BST1: variants seen among roughly 807,000 people sequenced by gnomAD.
BST1 encodes ADP-ribosyl cyclase/cyclic ADP-ribose hydrolase 2.
A neutral mutation model predicts 40.6 loss-of-function variants in BST1; 49 were observed. The observed-to-expected ratio is 1.21, with a 90% CI of 0.96 to 1.53. The LOEUF is 1.53. Ranked by LOEUF, BST1 falls within the 40% of genes most tolerant of loss-of-function variation. BST1 has a pLI of 0.00. For missense variants in BST1, 423 were observed against 395.9 expected (o/e 1.07, Z -0.58); for synonymous variants, 157 against 159.3 (o/e 0.99, Z 0.11).
At chr4:15,711,702 A>C in intron 3 of BST1, 105 bp from the exon 4 acceptor site, 1 of 917,558 alleles carries the variant, frequency 1.1e-6, no homozygotes, top group Non-Finnish European at 1.8e-6. Flanking sequence ...ATTGTACAGA[A>C]TGGAAGCTAA....
the BST1 span, among the ~76,000 whole-genome samples, chr4:15,745,249 T>G: frequency 6.6e-6 from 1 of 152,190 alleles, no homozygotes; most frequent in Non-Finnish European, 1.5e-5. Context: ...AAATTACATA[T>G]TATACATTGA....
In BST1 at chr4:15,719,087, T is replaced by C. The variant is rs549220748; in HGVS notation, c.791+94T>C. 2.8e-5 allele frequency: 30 copies of C among 1,081,570 alleles called. No individual in the cohort carries two copies. In the South Asian group the frequency reaches 3.9e-4, roughly 14 times the overall value. 67.0% of individuals were successfully genotyped at this position (1,081,570 alleles called of 1,614,324 possible). On this transcript the variant is annotated intron_variant, in intron 7 of 8. Coordinates refer to ENST00000265016, the MANE Select transcript of BST1 (RefSeq NM_004334.3). ...AAAGGGTATTGATGGCTCTCAGCTC[T>C]GAAGGCCATGGTGTCTTCCGGGTGG...
At chr4:15,708,185 A>G (rs1479712114) in intron 3 of BST1, among the ~76,000 whole-genome samples, 1 of 152,164 alleles carries the variant, frequency 6.6e-6, no homozygotes, top group Non-Finnish European at 1.5e-5. Flanking sequence ...GCTGGGTCTC[A>G]GTCCTGTCCT....
chr4:15,750,514 G>A, the BST1 span, among the ~76,000 whole-genome samples: 9 of 152,268 alleles, frequency 5.9e-5, no homozygotes, highest in African/African-American at 1.2e-4. Flanking sequence ...AAAGAAAGCC[G>A]GGTGAATAAG....
the BST1 span, among the ~76,000 whole-genome samples, chr4:15,752,474 C>T: frequency 0.025 from 3,753 of 151,800 alleles, 157 homozygotes; most frequent in African/African-American, 0.086. Flanking sequence ...CTGCAACCCC[C>T]GCCTCCCGGG....
chr4:15,743,307 A>G, downstream of BST1: 1 of 332,950 alleles, frequency 3.0e-6, no homozygotes, highest in Non-Finnish European at 5.9e-6. Context: ...CAAACAGCTA[A>G]ACAGAACAAA....
downstream of BST1, among the ~76,000 whole-genome samples, chr4:15,737,607 C>A (rs1721616553): frequency 6.6e-6 from 1 of 151,370 alleles, no homozygotes; most frequent in African/African-American, 2.5e-5. Flanking sequence ...ATGAACAATG[C>A]TAAGCATTTG....
chr4:15,751,870 A>G, the BST1 span, among the ~76,000 whole-genome samples: 21 of 152,242 alleles, frequency 1.4e-4, no homozygotes, highest in Admixed American at 3.9e-4. Flanking sequence ...ATCACAGCAC[A>G]CAGAATCCAG....
chr4:15,714,883 C>A (rs1204775789), intron 4 of BST1, among the ~76,000 whole-genome samples: 1 of 152,142 alleles, frequency 6.6e-6, no homozygotes, highest in South Asian at 2.1e-4. Context: ...GCAGATGTGT[C>A]CCAGAATGAG....
chr4:15,753,384 C>T, the BST1 span, among the ~76,000 whole-genome samples: 1 of 152,164 alleles, frequency 6.6e-6, no homozygotes, highest in East Asian at 1.9e-4. Flanking sequence ...AGGTATCCAT[C>T]GTATCTGTAG....
chr4:15,718,870 T>C (rs996241005), intron 6 of BST1, 37 bp from the exon 7 acceptor site: 6 of 1,567,788 alleles, frequency 3.8e-6, no homozygotes, highest in Non-Finnish European at 5.2e-6. Flanking sequence ...CCTCCTCTTA[T>C]TTGCTTACTT....
At chr4:15,761,760 CT>C in the BST1 span, among the ~76,000 whole-genome samples, 1 of 151,912 alleles carries the variant, frequency 6.6e-6, no homozygotes, top group African/African-American at 2.4e-5. Context: ...TCCAGAAGGT[CT>C]TTATATTCCT....
In BST1 at chr4:15,704,979, G is replaced by T. The variant is rs753956338; in HGVS notation, c.189-536G>T. 9.1e-6 allele frequency: 7 copies of T among 772,120 alleles called. No individual in the cohort carries two copies. In the South Asian group the frequency reaches 9.6e-5, roughly 11 times the overall value. 47.8% of individuals were successfully genotyped at this position (772,120 alleles called of 1,614,324 possible). On this transcript the variant is annotated intron_variant, in intron 1 of 8. Transcript: ENST00000265016. Reference sequence around the variant, plus strand: ...CACACCACCCAGTATGAGAAACAAAGTTACAAATGCTATGGGAAATATTTT... The same window carrying T: ...CACACCACCCAGTATGAGAAACAAATTTACAAATGCTATGGGAAATATTTT...
the BST1 span, among the ~76,000 whole-genome samples, chr4:15,772,007 G>GTTTCTCTC: frequency 6.7e-6 from 1 of 148,754 alleles, no homozygotes; most frequent in Non-Finnish European, 1.5e-5. Context: ...AACAATGAAG[G>GTTTCTCTC]TCTCTCTCTC....
chr4:15,707,675 C>T (rs768446378), intron 3 of BST1, 29 bp downstream of exon 3: 1 of 1,611,130 alleles, frequency 6.2e-7, no homozygotes, highest in Non-Finnish European at 8.5e-7. Context: ...TCACAGGAGA[C>T]TTAAGAACTC....
the BST1 span, among the ~76,000 whole-genome samples, chr4:15,771,565 C>T: frequency 2.6e-5 from 4 of 152,176 alleles, no homozygotes; most frequent in Non-Finnish European, 5.9e-5. Flanking sequence ...TCTGAAGGTG[C>T]CAAATCCCTG....
At chr4:15,716,507 G>C (rs1720523365) in intron 6 of BST1, among the ~76,000 whole-genome samples, 1 of 152,188 alleles carries the variant, frequency 6.6e-6, no homozygotes, top group South Asian at 2.1e-4. Context: ...ACCCCAAGGA[G>C]TGCAGGTCCC....
At chr4:15,730,984 C>T in intron 8 of BST1, 1 of 514,350 alleles carries the variant, frequency 1.9e-6, no homozygotes, top group Non-Finnish European at 3.1e-6. Flanking sequence ...CTGGGGCTTG[C>T]CTATGGTGCT....
downstream of BST1, among the ~76,000 whole-genome samples, chr4:15,733,074 A>G (rs915704944): frequency 6.6e-6 from 1 of 152,192 alleles, no homozygotes; most frequent in African/African-American, 2.4e-5. Flanking sequence ...TGAAGAGCGA[A>G]AAAACAAAGC....
Sources: allele counts gnomAD v4.1 joint callset (sites outside exome capture counted in the v4.1 genomes callset), GRCh38; gene constraint gnomAD v4.1.1; transcripts MANE v1.5; gene names NCBI Gene and HGNC (gene_info 2026-07-23, HGNC 2026-07-21).